DOK5: variants seen among roughly 807,000 people sequenced by gnomAD.
The protein encoded by DOK5 is downstream of tyrosine kinase 5.
A neutral mutation model predicts 43.3 loss-of-function variants in DOK5; 27 were observed. That is an observed-to-expected ratio of 0.62 (90% CI 0.46 to 0.86). The LOEUF (loss-of-function observed/expected upper bound fraction) is 0.86. DOK5 is among the 40% of genes least tolerant of loss of function. DOK5 has a pLI of 0.00. For synonymous variants in DOK5, 146 were observed against 140.1 expected, an observed-to-expected ratio of 1.04 and a Z score of -0.30; for missense variants, 373 against 392.9, an observed-to-expected ratio of 0.95 and a Z score of 0.43.
chr20:54,628,198 T>C (rs7263680), intron 6 of DOK5, among the ~76,000 whole-genome samples: 43,698 of 151,620 alleles, frequency 0.29, 7,113 homozygotes, highest in African/African-American at 0.41. Context: ...TGTTCTCTCA[T>C]TGGAGAAAAT....
At chr20:54,510,893 G>T (rs567095601) in intron 1 of DOK5, among the ~76,000 whole-genome samples, 1 of 152,170 alleles carries the variant, frequency 6.6e-6, no homozygotes, top group East Asian at 1.9e-4. Context: ...GGGCTCCGCA[G>T]GGCTGGTTTG....
At chr20:54,493,072 A>C (rs1982255027) in intron 1 of DOK5, among the ~76,000 whole-genome samples, 1 of 151,308 alleles carries the variant, frequency 6.6e-6, no homozygotes, top group East Asian at 1.9e-4. Context: ...AAAAAAAAAA[A>C]AAAAAAAAAG....
intron 7 of DOK5, among the ~76,000 whole-genome samples, chr20:54,644,723 A>AAAACAAAAAAAAACAC (rs1555839841): frequency 1.7e-4 from 24 of 142,402 alleles, no homozygotes; most frequent in Non-Finnish European, 3.2e-4. Context: ...AAAAAAAAAA[A>AAAACAAAAAAAAACAC]ACAAAATTTA....
At chr20:54,522,454 G>A (rs929021115) in intron 1 of DOK5, among the ~76,000 whole-genome samples, 6 of 152,024 alleles carry the variant, frequency 3.9e-5, no homozygotes, top group Non-Finnish European at 7.4e-5. Context: ...GTGAAAACAC[G>A]CTCCATGAGG....
Position 54,588,695 on chromosome 20 carries a change from G to A in DOK5, c.298G>A (p.Ala100Thr), listed in dbSNP as rs1262631525. 7 of 1,614,106 alleles carry A rather than the reference G, an allele frequency of 4.3e-6. No homozygotes were observed. Among genetic ancestry groups the A allele is most frequent in the Non-Finnish European group, 5.1e-6 (6 of 1,179,988 alleles). ...KTFACESDLE[A>T]DEWCKVLQME... ...TTTTGACATTTCCACAGATCTTGAG[G>A]CTGATGAGTGGTGCAAAGTACTCCA... The change falls in exon 4 of 8, where the codon GCT (alanine) becomes ACT (threonine). Residue 100 changes from alanine to threonine, a missense_variant. Transcript: ENST00000262593.
At chr20:54,650,377 G>A in intron 7 of DOK5, 38 bp from the exon 8 acceptor site, 10 of 1,604,354 alleles carry the variant, frequency 6.2e-6, no homozygotes, top group Non-Finnish European at 8.5e-6. Flanking sequence ...GGGCTTTCTT[G>A]AAATGTAACT....
In DOK5 at chr20:54,624,438, C is replaced by T. The variant is rs376087696; in HGVS notation, c.735+13915C>T. ...CAAGGCCCCATGGGTGTGTAATAAG[C>T]TCAGGGTCTGGCACAGGGCTTAAAG... On this transcript the variant is annotated intron_variant, in intron 6 of 7. Coordinates refer to ENST00000262593, the MANE Select transcript of DOK5 (RefSeq NM_018431.5). Among the ~76,000 whole-genome samples the T allele has an allele frequency of 2.2e-4, 33 of 152,276 alleles. No individual in the cohort carries two copies. The East Asian group carries it at 4.6e-3, about 21-fold the overall frequency.
intron 1 of DOK5, among the ~76,000 whole-genome samples, chr20:54,524,903 T>G (rs1173862990): frequency 6.6e-6 from 1 of 152,194 alleles, no homozygotes; most frequent in Admixed American, 6.5e-5. Context: ...TTTTTGTCAC[T>G]TTTTGCAGCT....
chr20:54,588,023 C>G (rs888813627), intron 2 of DOK5, among the ~76,000 whole-genome samples: 13 of 152,076 alleles, frequency 8.5e-5, no homozygotes, highest in African/African-American at 3.1e-4. Context: ...TCCTTCCCTT[C>G]CCTTCCTTGG....
At chr20:54,575,393 A>G (rs1600712124) in intron 2 of DOK5, among the ~76,000 whole-genome samples, 2 of 152,054 alleles carry the variant, frequency 1.3e-5, no homozygotes, top group South Asian at 4.2e-4. Flanking sequence ...ACTATTGCCT[A>G]TTTTCTTAGT....
At chr20:54,564,428 CAA>C (rs1031670202) in intron 2 of DOK5, among the ~76,000 whole-genome samples, 1 of 151,520 alleles carries the variant, frequency 6.6e-6, no homozygotes, top group Non-Finnish European at 1.5e-5. Context: ...AAGACTCCGT[CAA>C]AAAAAAGATT....
intron 1 of DOK5, among the ~76,000 whole-genome samples, chr20:54,523,615 G>A (rs1008365709): frequency 2.0e-5 from 3 of 151,710 alleles, no homozygotes; most frequent in African/African-American, 7.3e-5. Context: ...TTTTTTTGTT[G>A]TTGCTTTGAG....
intron 6 of DOK5, among the ~76,000 whole-genome samples, chr20:54,617,874 A>T (rs1986863160): frequency 6.6e-6 from 1 of 152,218 alleles, no homozygotes; most frequent in African/African-American, 2.4e-5. Flanking sequence ...ACTCTTTAGT[A>T]ATAATAGCCA....
chr20:54,599,992 A>G (rs978691979), intron 5 of DOK5, among the ~76,000 whole-genome samples: 2 of 152,212 alleles, frequency 1.3e-5, no homozygotes, highest in South Asian at 2.1e-4. Context: ...AGGATGATAG[A>G]CAGTGCCAAA....
intron 5 of DOK5, among the ~76,000 whole-genome samples, chr20:54,605,152 CAGAG>C (rs1369064729): frequency 4.0e-5 from 6 of 150,436 alleles, no homozygotes; most frequent in East Asian, 1.9e-4. Flanking sequence ...GAGAGAGAGA[CAGAG>C]AGAGCCATGT....
intron 6 of DOK5, among the ~76,000 whole-genome samples, chr20:54,628,770 T>C: frequency 6.6e-6 from 1 of 152,028 alleles, no homozygotes; most frequent in East Asian, 1.9e-4. Context: ...ATTATGCCCC[T>C]CACCAAACCA....
intron 6 of DOK5, among the ~76,000 whole-genome samples, chr20:54,612,961 C>A (rs753551915): frequency 6.6e-6 from 1 of 152,148 alleles, no homozygotes; most frequent in Non-Finnish European, 1.5e-5. Flanking sequence ...CTTAAAGACC[C>A]CTCTTAAAGT....
chr20:54,534,417 G>A (rs1983883445), intron 1 of DOK5, among the ~76,000 whole-genome samples: 1 of 152,154 alleles, frequency 6.6e-6, no homozygotes, highest in Middle Eastern at 3.2e-3. Context: ...TTGAATTCCT[G>A]GGCCCAAGTG....
At chr20:54,485,358 A>G (rs1981891518) in intron 1 of DOK5, among the ~76,000 whole-genome samples, 1 of 151,860 alleles carries the variant, frequency 6.6e-6, no homozygotes, top group South Asian at 2.1e-4. Flanking sequence ...CGTCTCAAAA[A>G]AAAAAAAAAA....
Sources: gnomAD v4.1 joint callset for allele counts (sites outside exome capture counted in the v4.1 genomes callset) on GRCh38, gnomAD v4.1.1 for gene constraint, MANE v1.5 for transcripts, NCBI Gene and HGNC (gene_info 2026-07-23, HGNC 2026-07-21) for gene names.